VWC2: variants seen among roughly 807,000 people sequenced by gnomAD.
The protein encoded by VWC2 is von Willebrand factor C domain containing 2, also known as brorin.
Under a neutral mutation model 29.8 loss-of-function variants are expected in VWC2, and 14 were observed. The observed-to-expected ratio is 0.47, with a 90% CI of 0.31 to 0.74. VWC2 has a LOEUF of 0.74. VWC2 is among the 30% of genes least tolerant of loss of function. VWC2 has a pLI of 0.05. For missense variants in VWC2, 457 were observed against 459.8 expected, an observed-to-expected ratio of 0.99 and a Z score of 0.05; for synonymous variants, 213 against 199.0, an observed-to-expected ratio of 1.07 and a Z score of -0.59.
intron 3 of VWC2, among the ~76,000 whole-genome samples, chr7:49,883,670 G>A (rs1231492240): frequency 6.6e-6 from 1 of 152,056 alleles, no homozygotes. Context: ...AGAAAAAGAG[G>A]AAATTTCACC....
intron 3 of VWC2, among the ~76,000 whole-genome samples, chr7:49,856,232 G>A (rs934863523): frequency 1.3e-4 from 20 of 152,170 alleles, no homozygotes; most frequent in Non-Finnish European, 8.8e-5. Flanking sequence ...TGAGTCATGA[G>A]GGTGGATTCT....
At chr7:49,791,590 T>C (rs1052950094) in intron 2 of VWC2, among the ~76,000 whole-genome samples, 1 of 152,218 alleles carries the variant, frequency 6.6e-6, no homozygotes. Flanking sequence ...TGATCACTTC[T>C]GGGAAGTGAC....
intron 3 of VWC2, among the ~76,000 whole-genome samples, chr7:49,859,363 C>A (rs1260991447): frequency 1.3e-5 from 2 of 152,042 alleles, no homozygotes; most frequent in Non-Finnish European, 2.9e-5. Flanking sequence ...CCTTAGGTAA[C>A]AAGGCTGTTC....
chr7:49,880,615 A>C (rs1276052656), intron 3 of VWC2, among the ~76,000 whole-genome samples: 7 of 151,596 alleles, frequency 4.6e-5, no homozygotes. Context: ...ATTATACTTT[A>C]AGTTCTAGGG....
chr7:49,852,250 G>A (rs925728225), intron 3 of VWC2, among the ~76,000 whole-genome samples: 8 of 152,220 alleles, frequency 5.3e-5, no homozygotes, highest in Non-Finnish European at 1.0e-4. Flanking sequence ...TTCCAGGTGA[G>A]TGACCCTGGA....
chr7:49,796,461 T>G (rs1788591871), intron 2 of VWC2, among the ~76,000 whole-genome samples: 1 of 152,176 alleles, frequency 6.6e-6, no homozygotes, highest in Non-Finnish European at 1.5e-5. Flanking sequence ...GTCATGGTGG[T>G]CCTTATTCAG....
intron 2 of VWC2, among the ~76,000 whole-genome samples, chr7:49,779,300 T>G (rs77571558): frequency 0.022 from 3,372 of 152,308 alleles, 134 homozygotes; most frequent in African/African-American, 0.077. Context: ...TCTGTACTCT[T>G]TTACCCCATT....
intron 3 of VWC2, among the ~76,000 whole-genome samples, chr7:49,893,847 T>G (rs1243431156): frequency 6.6e-6 from 1 of 152,196 alleles, no homozygotes; most frequent in Non-Finnish European, 1.5e-5. Flanking sequence ...GTTTGGGATG[T>G]AAAGTTTGGA....
chr7:49,793,539 C>T (rs1788512968), intron 2 of VWC2, among the ~76,000 whole-genome samples: 1 of 152,132 alleles, frequency 6.6e-6, no homozygotes, highest in Non-Finnish European at 1.5e-5. Flanking sequence ...CAAAGACTGA[C>T]ATTGATAGAA....
intron 3 of VWC2, among the ~76,000 whole-genome samples, chr7:49,820,013 T>C (rs1212319291): frequency 1.3e-5 from 2 of 152,276 alleles, no homozygotes; most frequent in African/African-American, 4.8e-5. Context: ...TCACAATATA[T>C]TTCTAAGATT....
chr7:49,776,637 T>A (rs183075963), intron 2 of VWC2, among the ~76,000 whole-genome samples: 2 of 152,328 alleles, frequency 1.3e-5, no homozygotes, highest in African/African-American at 4.8e-5. Context: ...AGAAAATATT[T>A]GCTCACTGGG....
At chr7:49,790,365 G>A (rs1788438008) in intron 2 of VWC2, among the ~76,000 whole-genome samples, 1 of 152,152 alleles carries the variant, frequency 6.6e-6, no homozygotes. Flanking sequence ...TCTTCTTACT[G>A]AGACTCAGAA....
chr7:49,793,489 G>A (rs1208575132), intron 2 of VWC2, among the ~76,000 whole-genome samples: 1 of 152,080 alleles, frequency 6.6e-6, no homozygotes, highest in African/African-American at 2.4e-5. Flanking sequence ...TTATTCATGA[G>A]CCTGTATCTG....
intron 2 of VWC2, among the ~76,000 whole-genome samples, chr7:49,797,003 CTACT>C (rs1340026218): frequency 6.6e-6 from 1 of 152,152 alleles, no homozygotes; most frequent in East Asian, 1.9e-4. Context: ...TTACCCACTC[CTACT>C]TAATTATTCA....
chr7:49,810,505 A>G (rs1439488021), intron 3 of VWC2, among the ~76,000 whole-genome samples: 1 of 152,178 alleles, frequency 6.6e-6, no homozygotes, highest in Non-Finnish European at 1.5e-5. Flanking sequence ...AAATCCCAGC[A>G]TACGTTTTTT....
chr7:49,821,783 C>T (rs1037073206), intron 3 of VWC2, among the ~76,000 whole-genome samples: 1 of 151,996 alleles, frequency 6.6e-6, no homozygotes, highest in Admixed American at 6.5e-5. Flanking sequence ...TTTTTTGACT[C>T]ATACTTTGGA....
intron 3 of VWC2, among the ~76,000 whole-genome samples, chr7:49,906,111 G>A (rs537980908): frequency 1.5e-4 from 23 of 152,210 alleles, no homozygotes; most frequent in Non-Finnish European, 2.9e-4. Context: ...CTTTGTCTAC[G>A]GAGTAGCCAT....
chr7:49,853,464 C>T (rs1790281235), intron 3 of VWC2, among the ~76,000 whole-genome samples: 1 of 152,146 alleles, frequency 6.6e-6, no homozygotes, highest in Non-Finnish European at 1.5e-5. Context: ...GGACCCAAAC[C>T]CCATCTCTGC....
At chr7:49,850,584 C>T (rs1790137642) in intron 3 of VWC2, 1 of 152,194 alleles carries the variant, frequency 6.6e-6, no homozygotes, top group Non-Finnish European at 1.5e-5. Flanking sequence ...ACACAGCAGC[C>T]TCATCAGTTT....
Sources: allele counts gnomAD v4.1 joint callset (sites outside exome capture counted in the v4.1 genomes callset), GRCh38; gene constraint gnomAD v4.1.1; transcripts MANE v1.5; gene names NCBI Gene and HGNC (gene_info 2026-07-23, HGNC 2026-07-21).